The following DCDC1 variants were observed in gnomAD, a reference collection of about 807,000 sequenced individuals.
The protein encoded by DCDC1 is doublecortin domain containing 1, also known as doublecortin domain-containing protein 1.
DCDC1 carries 200 observed loss-of-function variants against 178.3 expected under a neutral mutation model. That is an observed-to-expected ratio of 1.12 (90% CI 1.00 to 1.26). The LOEUF (loss-of-function observed/expected upper bound fraction) is 1.26. Ranked by LOEUF, DCDC1 falls within the 50% of genes most tolerant of loss-of-function variation. DCDC1 has a pLI of 0.00. For missense variants in DCDC1, 1,983 were observed against 1,749.2 expected (o/e 1.13, Z -2.38); for synonymous variants, 690 against 604.8 (o/e 1.14, Z -2.07).
intron 20 of DCDC1, among the ~76,000 whole-genome samples, chr11:30,997,444 G>T (rs1951332061): frequency 6.6e-6 from 1 of 151,758 alleles, no homozygotes; most frequent in South Asian, 2.1e-4. Flanking sequence ...TCACTGAAGG[G>T]GTAAGGAAGA....
chr11:31,307,569 A>C, intron 4 of DCDC1, 70 bp downstream of exon 4: 1 of 1,565,848 alleles, frequency 6.4e-7, no homozygotes, highest in Non-Finnish European at 8.7e-7. Context: ...CAATTGAAAC[A>C]TTATAAACTC....
At chr11:31,286,663 T>C (rs907163998) in intron 7 of DCDC1, among the ~76,000 whole-genome samples, 2 of 152,062 alleles carry the variant, frequency 1.3e-5, no homozygotes, top group African/African-American at 4.8e-5. Context: ...AAGTAAATTT[T>C]ACTTGTATTG....
At chr11:30,970,782 C>T (rs960728998) in intron 20 of DCDC1, among the ~76,000 whole-genome samples, 2 of 152,218 alleles carry the variant, frequency 1.3e-5, no homozygotes, top group African/African-American at 4.8e-5. Flanking sequence ...TCAACCTTTT[C>T]ATCAGGGACC....
rs542112141 is a variant in DCDC1 at position 30,932,671 on chromosome 11, T to G, written c.2716-719A>C. On this transcript the variant is annotated intron_variant, in intron 21 of 38. Transcript: ENST00000684477. ...CAATAGTGTAAGTATGACGACAGGT[T>G]ACAGGTGTGATGGGACCACATAGGG... is the stretch of plus-strand genomic sequence containing the variant. 1.2e-3 allele frequency among the ~76,000 whole-genome samples: 176 copies of G among 152,280 alleles called. 7 individuals are homozygous for G. The South Asian group carries it at 0.032, about 28-fold the overall frequency.
At chr11:30,865,396 A>G (rs1009834683) in intron 38 of DCDC1, 64 bp from the exon 39 acceptor site, 2 of 123,588 alleles carry the variant, frequency 1.6e-5, no homozygotes, top group African/African-American at 2.7e-5. Context: ...GCACACACAT[A>G]CACACATTTA....
At chr11:31,300,713 C>A (rs913395707) in intron 6 of DCDC1, among the ~76,000 whole-genome samples, 1 of 151,972 alleles carries the variant, frequency 6.6e-6, no homozygotes, top group African/African-American at 2.4e-5. Context: ...TAAATGAATT[C>A]TCAGGTAAAG....
intron 8 of DCDC1, among the ~76,000 whole-genome samples, chr11:31,264,753 C>G (rs1565516885): frequency 6.6e-6 from 1 of 152,128 alleles, no homozygotes. Context: ...CCTACTCTGT[C>G]AATTCTGTGA....
At chr11:31,333,359 G>C (rs1190364570) in intron 2 of DCDC1, among the ~76,000 whole-genome samples, 1 of 152,038 alleles carries the variant, frequency 6.6e-6, no homozygotes, top group Non-Finnish European at 1.5e-5. Flanking sequence ...CTTGTAATTG[G>C]GGCATTTAGC....
chr11:31,177,095 A>G (rs1304766203), intron 9 of DCDC1, among the ~76,000 whole-genome samples: 1 of 152,156 alleles, frequency 6.6e-6, no homozygotes, highest in Admixed American at 6.5e-5. Context: ...AACAGCTACA[A>G]TTAATGGCTC....
intron 9 of DCDC1, among the ~76,000 whole-genome samples, chr11:31,230,242 T>G (rs1195326140): frequency 6.6e-6 from 1 of 151,750 alleles, no homozygotes; most frequent in Non-Finnish European, 1.5e-5. Context: ...AAGAAAACAA[T>G]GTAAATATAC....
chr11:30,873,615 A>G (rs1843790751), intron 38 of DCDC1, among the ~76,000 whole-genome samples: 2 of 152,118 alleles, frequency 1.3e-5, no homozygotes, highest in Admixed American at 6.6e-5. Flanking sequence ...TGAGCCTGCC[A>G]GGGATGCAGG....
intron 3 of DCDC1, among the ~76,000 whole-genome samples, chr11:31,313,360 T>A (rs949012602): frequency 1.3e-5 from 2 of 152,134 alleles, no homozygotes; most frequent in Non-Finnish European, 2.9e-5. Context: ...ACACATTATA[T>A]CTGTTTATTG....
chr11:31,075,734 T>C (rs1956826961), intron 18 of DCDC1, among the ~76,000 whole-genome samples: 1 of 152,230 alleles, frequency 6.6e-6, no homozygotes, highest in African/African-American at 2.4e-5. Flanking sequence ...TTTAATGGAG[T>C]TATCTGTTTT....
intron 33 of DCDC1, 42 bp from the exon 34 acceptor site, chr11:30,899,684 T>A: frequency 1.5e-6 from 2 of 1,330,686 alleles, no homozygotes; most frequent in Middle Eastern, 3.8e-4. Context: ...AACAGTAATT[T>A]ATCACGCGCA....
chr11:30,881,080 G>T, intron 37 of DCDC1, 78 bp downstream of exon 37: 1 of 1,474,514 alleles, frequency 6.8e-7, no homozygotes, highest in East Asian at 2.3e-5. Flanking sequence ...CATTGTGATG[G>T]GATATAAGCT....
At chr11:30,871,507 T>G (rs1343898782) in intron 38 of DCDC1, among the ~76,000 whole-genome samples, 1 of 152,198 alleles carries the variant, frequency 6.6e-6, no homozygotes, top group Non-Finnish European at 1.5e-5. Context: ...ACACAATGTC[T>G]AGTCCAACAT....
chr11:31,040,644 G>A (rs1954381603), intron 20 of DCDC1, among the ~76,000 whole-genome samples: 1 of 152,158 alleles, frequency 6.6e-6, no homozygotes, highest in Non-Finnish European at 1.5e-5. Context: ...GCTATTATTT[G>A]CATCAATAAT....
At chr11:30,888,088 GAAAGAAAGAA>G (rs1565029511) in intron 36 of DCDC1, among the ~76,000 whole-genome samples, 33 of 111,878 alleles carry the variant, frequency 2.9e-4, no homozygotes, top group Admixed American at 7.3e-4. Context: ...GAGAGAGAAA[GAAAGAAAGAA>G]AAAGAAAGAA....
chr11:31,011,532 G>A (rs1952165879), intron 20 of DCDC1, among the ~76,000 whole-genome samples: 1 of 152,190 alleles, frequency 6.6e-6, no homozygotes, highest in Non-Finnish European at 1.5e-5. Flanking sequence ...CCAGTAGTCA[G>A]AGAAGGGCAA....
Sources: gnomAD v4.1 joint callset for allele counts (sites outside exome capture counted in the v4.1 genomes callset) on GRCh38, gnomAD v4.1.1 for gene constraint, MANE v1.5 for transcripts, NCBI Gene and HGNC (gene_info 2026-07-23, HGNC 2026-07-21) for gene names.